PIP5K1B: variants seen among roughly 807,000 people sequenced by gnomAD.
PIP5K1B encodes phosphatidylinositol 4-phosphate 5-kinase type-1 beta.
PIP5K1B carries 42 observed loss-of-function variants against 67.0 expected under a neutral mutation model. The observed-to-expected ratio is 0.63, with a 90% CI of 0.49 to 0.81. The LOEUF (loss-of-function observed/expected upper bound fraction) is 0.81. PIP5K1B is among the 30% of genes least tolerant of loss of function. The pLI, the probability that PIP5K1B is intolerant of heterozygous loss-of-function variation, is 0.00. For synonymous variants in PIP5K1B, 214 were observed against 231.4 expected, an observed-to-expected ratio of 0.92 and a Z score of 0.68; for missense variants, 459 against 646.3, an observed-to-expected ratio of 0.71 and a Z score of 3.14.
chr9:68,986,580 A>T (rs1830103566), intron 14 of PIP5K1B, among the ~76,000 whole-genome samples: 2 of 152,212 alleles, frequency 1.3e-5, no homozygotes, highest in Admixed American at 1.3e-4. Context: ...GAAAAACAGT[A>T]TAAATAACAA....
chr9:68,796,594 A>G (rs1832306670), intron 2 of PIP5K1B, among the ~76,000 whole-genome samples: 1 of 152,186 alleles, frequency 6.6e-6, no homozygotes, highest in Admixed American at 6.5e-5. Context: ...TCCAAACTAG[A>G]GAGTTTTGAT....
chr9:68,872,643 T>C (rs1823683448), intron 5 of PIP5K1B, among the ~76,000 whole-genome samples: 1 of 152,244 alleles, frequency 6.6e-6, no homozygotes, highest in African/African-American at 2.4e-5. Context: ...GCTCCAGTTA[T>C]CACTGTTACT....
chr9:68,747,402 C>T (rs1000002476), intron 2 of PIP5K1B, among the ~76,000 whole-genome samples: 10 of 151,764 alleles, frequency 6.6e-5, no homozygotes, highest in African/African-American at 1.2e-4. Context: ...ATAAAGTGCG[C>T]GCTGTAACAT....
chr9:68,982,336 A>G (rs1379427210), intron 14 of PIP5K1B, among the ~76,000 whole-genome samples: 2 of 152,254 alleles, frequency 1.3e-5, no homozygotes, highest in African/African-American at 4.8e-5. Context: ...GCTTGTGCCC[A>G]GGAAATCAAC....
chr9:68,708,091 C>T (rs988332245), intron 1 of PIP5K1B: 4 of 151,894 alleles, frequency 2.6e-5, no homozygotes, highest in Admixed American at 1.3e-4. Flanking sequence ...GCCACTTCAT[C>T]AAAGGAATGA....
At chr9:68,933,373 A>C (rs1448517841) in intron 12 of PIP5K1B, among the ~76,000 whole-genome samples, 2 of 152,222 alleles carry the variant, frequency 1.3e-5, no homozygotes, top group Non-Finnish European at 2.9e-5. Flanking sequence ...TCCTTGTAAA[A>C]CAAGTGTAAC....
chr9:68,977,813 C>A (rs1386499022), intron 14 of PIP5K1B, among the ~76,000 whole-genome samples: 1 of 151,802 alleles, frequency 6.6e-6, no homozygotes, highest in African/African-American at 2.4e-5. Context: ...TACCACCACA[C>A]CCAGCTAATT....
chr9:68,941,989 G>A (rs890341609), intron 14 of PIP5K1B, among the ~76,000 whole-genome samples: 2 of 152,174 alleles, frequency 1.3e-5, no homozygotes, highest in African/African-American at 4.8e-5. Flanking sequence ...TCTTAGCTGG[G>A]CCTGAGTTTG....
At chr9:68,711,778 A>G (rs999151590) in intron 1 of PIP5K1B, among the ~76,000 whole-genome samples, 11 of 152,202 alleles carry the variant, frequency 7.2e-5, no homozygotes, top group Admixed American at 6.5e-4. Context: ...AAAAATAAAT[A>G]CTAAATATAT....
At chr9:68,952,173 A>AATAAATGACTGCCTTGTTC (rs1828111545) in intron 14 of PIP5K1B, among the ~76,000 whole-genome samples, 1 of 152,162 alleles carries the variant, frequency 6.6e-6, no homozygotes, top group Non-Finnish European at 1.5e-5. Flanking sequence ...TTTTTATTGT[A>AATAAATGACTGCCTTGTTC]ATAAATGACT....
chr9:68,854,595 T>G (rs1395884115), intron 4 of PIP5K1B, among the ~76,000 whole-genome samples: 1 of 152,236 alleles, frequency 6.6e-6, no homozygotes, highest in Non-Finnish European at 1.5e-5. Context: ...TTACATAGGT[T>G]TGTTGCATTA....
intron 7 of PIP5K1B, among the ~76,000 whole-genome samples, chr9:68,892,415 C>G (rs1183542184): frequency 6.6e-6 from 1 of 152,134 alleles, no homozygotes; most frequent in Non-Finnish European, 1.5e-5. Flanking sequence ...AGGATGAGTA[C>G]AGTTTTAGAC....
chr9:68,890,913 C>A (rs1824749100), intron 7 of PIP5K1B, among the ~76,000 whole-genome samples: 1 of 152,116 alleles, frequency 6.6e-6, no homozygotes. Context: ...TGTAAAACTG[C>A]ATTGGCCATA....
intron 2 of PIP5K1B, among the ~76,000 whole-genome samples, chr9:68,767,139 G>A (rs1254268491): frequency 6.6e-6 from 1 of 152,198 alleles, no homozygotes; most frequent in Non-Finnish European, 1.5e-5. Flanking sequence ...CTTTTTCTAA[G>A]TATAGAGCAA....
chr9:68,993,586 T>A (rs1187343416), intron 15 of PIP5K1B, among the ~76,000 whole-genome samples: 1 of 152,026 alleles, frequency 6.6e-6, no homozygotes, highest in Non-Finnish European at 1.5e-5. Context: ...TTGTAGCAGA[T>A]CACAAAATCC....
intron 8 of PIP5K1B, 64 bp from the exon 9 acceptor site, chr9:68,917,484 A>G (rs1826159512): frequency 1.8e-6 from 2 of 1,128,070 alleles, no homozygotes; most frequent in Admixed American, 3.5e-5. Flanking sequence ...GCTCTCTGAT[A>G]ATGAGTAGAT....
At chr9:68,818,682 T>G (rs927122131) in intron 3 of PIP5K1B, 137 bp downstream of exon 3, 24 of 152,226 alleles carry the variant, frequency 1.6e-4, no homozygotes, top group Admixed American at 5.2e-4. Context: ...ACATCAAATT[T>G]GAATAAAACA....
intron 6 of PIP5K1B, among the ~76,000 whole-genome samples, chr9:68,881,551 G>A (rs1188605162): frequency 1.3e-5 from 2 of 152,180 alleles, no homozygotes; most frequent in African/African-American, 4.8e-5. Flanking sequence ...GAATACCTGC[G>A]ATATGTGTGT....
chr9:68,743,404 A>C (rs889286342), intron 2 of PIP5K1B, among the ~76,000 whole-genome samples: 1 of 152,034 alleles, frequency 6.6e-6, no homozygotes, highest in East Asian at 1.9e-4. Flanking sequence ...GGGTTTCGCT[A>C]TGTGCCCAGT....
Sources: gnomAD v4.1 joint callset for allele counts (sites outside exome capture counted in the v4.1 genomes callset) on GRCh38, gnomAD v4.1.1 for gene constraint, MANE v1.5 for transcripts, NCBI Gene and HGNC (gene_info 2026-07-23, HGNC 2026-07-21) for gene names.